Variants in GRID1 observed in about 807,000 individuals in gnomAD.
GRID1 encodes the protein glutamate ionotropic receptor delta type subunit 1, also known as glutamate receptor ionotropic, delta-1.
Under a neutral mutation model 98.0 loss-of-function variants are expected in GRID1, and 28 were observed. The observed-to-expected ratio is 0.29, with a 90% CI of 0.21 to 0.39. The LOEUF is 0.39. GRID1 is among the 10% of genes least tolerant of loss of function. The probability of loss-of-function intolerance (pLI) is 1.00; values close to 1 mark genes in which losing one functional copy is unlikely to be tolerated. For synonymous variants in GRID1, 553 were observed against 538.5 expected, an observed-to-expected ratio of 1.03 and a Z score of -0.37; for missense variants, 1,111 against 1,340.5, an observed-to-expected ratio of 0.83 and a Z score of 2.67.
intron 4 of GRID1, among the ~76,000 whole-genome samples, chr10:85,944,087 C>A (rs1008666343): frequency 3.3e-5 from 5 of 152,238 alleles, no homozygotes; most frequent in Non-Finnish European, 7.3e-5. Flanking sequence ...CCCTAGCCAA[C>A]AGCCACCCAA....
chr10:85,742,323 T>C (rs1841952285), intron 8 of GRID1, among the ~76,000 whole-genome samples: 1 of 152,200 alleles, frequency 6.6e-6, no homozygotes, highest in Non-Finnish European at 1.5e-5. Flanking sequence ...GGTCAACTAC[T>C]CCACACATTG....
intron 4 of GRID1, among the ~76,000 whole-genome samples, chr10:86,060,832 C>G (rs1241973066): frequency 2.0e-5 from 3 of 152,190 alleles, no homozygotes; most frequent in African/African-American, 7.2e-5. Flanking sequence ...CTTGTACTCT[C>G]CATAGACTGG....
intron 3 of GRID1, among the ~76,000 whole-genome samples, chr10:86,159,536 C>A (rs1845290969): frequency 6.6e-6 from 1 of 150,828 alleles, no homozygotes; most frequent in African/African-American, 2.4e-5. Context: ...GGTGGCTGTA[C>A]CCTCTAGGTC....
At chr10:85,960,908 G>C (rs1055160558) in intron 4 of GRID1, among the ~76,000 whole-genome samples, 3 of 152,048 alleles carry the variant, frequency 2.0e-5, no homozygotes, top group African/African-American at 7.2e-5. Context: ...TCAGGAGGGA[G>C]GAGGGGCTTC....
chr10:85,698,881 T>C (rs1215748474), intron 12 of GRID1, among the ~76,000 whole-genome samples: 1 of 152,224 alleles, frequency 6.6e-6, no homozygotes, highest in African/African-American at 2.4e-5. Flanking sequence ...TGTTTTAATT[T>C]GCATTCCCTA....
chr10:85,871,144 A>C (rs1160642141), intron 5 of GRID1, among the ~76,000 whole-genome samples: 1 of 152,194 alleles, frequency 6.6e-6, no homozygotes, highest in Non-Finnish European at 1.5e-5. Flanking sequence ...CATAAATAAA[A>C]AATGCATTTA....
At chr10:86,208,293 G>A (rs1846063274) in intron 2 of GRID1, among the ~76,000 whole-genome samples, 1 of 152,152 alleles carries the variant, frequency 6.6e-6, no homozygotes, top group East Asian at 1.9e-4. Flanking sequence ...AGCTAAACAA[G>A]AGATGATGAG....
intron 2 of GRID1, among the ~76,000 whole-genome samples, chr10:86,342,706 C>T (rs912370306): frequency 6.6e-6 from 1 of 152,214 alleles, no homozygotes; most frequent in African/African-American, 2.4e-5. Flanking sequence ...CCAGGAGCAG[C>T]CTGAGTCGGG....
chr10:85,984,594 C>G (rs1320133632), intron 4 of GRID1, among the ~76,000 whole-genome samples: 10 of 152,174 alleles, frequency 6.6e-5, no homozygotes, highest in Non-Finnish European at 1.5e-4. Flanking sequence ...GTGCAAGGAG[C>G]CTTGGTCCTG....
intron 2 of GRID1, among the ~76,000 whole-genome samples, chr10:86,223,921 T>C (rs146219015): frequency 3.3e-5 from 5 of 151,434 alleles, no homozygotes; most frequent in African/African-American, 1.2e-4. Flanking sequence ...CAGCAAGTGA[T>C]AGACCAAGGA....
At chr10:85,754,626 GT>G (rs1048654772) in intron 8 of GRID1, among the ~76,000 whole-genome samples, 11 of 152,276 alleles carry the variant, frequency 7.2e-5, no homozygotes, top group Non-Finnish European at 1.5e-4. Context: ...AGCAATGGTG[GT>G]AAAAAGAGAG....
chr10:86,334,283 C>G (rs775501371), intron 2 of GRID1, among the ~76,000 whole-genome samples: 6 of 152,144 alleles, frequency 3.9e-5, no homozygotes, highest in Admixed American at 3.9e-4. Context: ...TTCCATCTCC[C>G]TCATTTACTG....
At chr10:85,962,078 G>T (rs1211775536) in intron 4 of GRID1, among the ~76,000 whole-genome samples, 1 of 152,308 alleles carries the variant, frequency 6.6e-6, no homozygotes, top group Non-Finnish European at 1.5e-5. Flanking sequence ...ACAGAGGGTG[G>T]TCTGTGGATC....
chr10:86,121,573 A>AT (rs1564681384), intron 4 of GRID1, among the ~76,000 whole-genome samples: 5 of 3,124 alleles, frequency 1.6e-3, no homozygotes, highest in Non-Finnish European at 1.9e-3. Context: ...ATCACCATCA[A>AT]CATCACCACC....
intron 3 of GRID1, among the ~76,000 whole-genome samples, chr10:86,170,475 C>T (rs1362705010): frequency 6.6e-6 from 1 of 152,234 alleles, no homozygotes; most frequent in African/African-American, 2.4e-5. Context: ...AATGTGAGCT[C>T]CCCCAGGAGA....
chr10:85,608,244 A>G (rs951829443), intron 15 of GRID1, among the ~76,000 whole-genome samples: 7 of 152,200 alleles, frequency 4.6e-5, no homozygotes, highest in African/African-American at 1.4e-4. Flanking sequence ...GGCATAAATC[A>G]GTGGTTTTCA....
intron 2 of GRID1, among the ~76,000 whole-genome samples, chr10:86,322,583 G>C (rs920864739): frequency 2.2e-4 from 34 of 151,726 alleles, no homozygotes; most frequent in Non-Finnish European, 4.6e-4. Context: ...GCTAATTTTT[G>C]TATTTTTAGT....
chr10:85,745,999 G>A (rs1187985171), intron 8 of GRID1, among the ~76,000 whole-genome samples: 1 of 152,142 alleles, frequency 6.6e-6, no homozygotes, highest in Non-Finnish European at 1.5e-5. Context: ...ATGAAAATTG[G>A]TATTGACCAG....
intron 2 of GRID1, among the ~76,000 whole-genome samples, chr10:86,275,230 G>C (rs1255746268): frequency 6.6e-6 from 1 of 152,028 alleles, no homozygotes; most frequent in Non-Finnish European, 1.5e-5. Flanking sequence ...TACAATCTTT[G>C]AGAAAGTTAC....
Sources: allele counts gnomAD v4.1 joint callset (sites outside exome capture counted in the v4.1 genomes callset), GRCh38; gene constraint gnomAD v4.1.1; transcripts MANE v1.5; gene names NCBI Gene and HGNC (gene_info 2026-07-23, HGNC 2026-07-21).